Variants in COL5A1 observed in about 807,000 individuals in gnomAD.
COL5A1 encodes collagen alpha-1(V) chain.
A neutral mutation model predicts 263.7 loss-of-function variants in COL5A1; 16 were observed. The observed-to-expected ratio is 0.06, with a 90% confidence interval of 0.04 to 0.09. The LOEUF (loss-of-function observed/expected upper bound fraction) is 0.09, where lower values mean the gene tolerates loss of function less well. Among genes scored for constraint, COL5A1 ranks in the 10% least tolerant of loss-of-function variants. The pLI, the probability that COL5A1 is intolerant of heterozygous loss-of-function variation, is 1.00. For missense variants in COL5A1, 2,036 were observed against 2,540.5 expected (o/e 0.80, Z 4.27); for synonymous variants, 1,012 against 1,004.5 (o/e 1.01, Z -0.14).
In COL5A1 at chr9:134,700,237, TC is replaced by T; in HGVS notation, c.491+118del. 2 of 975,332 alleles carry T rather than the reference TC, an allele frequency of 2.1e-6. No individual in the cohort carries two copies. Among genetic ancestry groups the T allele is most frequent in the Non-Finnish European group, 3.1e-6 (2 of 648,986 alleles). 60.4% of individuals were successfully genotyped at this position (975,332 alleles called of 1,614,324 possible). A position where few individuals can be genotyped will look rare whatever the true frequency, so the allele number is the denominator to read the frequency against. On this transcript the variant is annotated intron_variant, in intron 3 of 65. Transcript: ENST00000371817. This position sits in a 1 kb window ranked among gnomAD's most constrained non-coding sequence, Gnocchi z 4.0. ...GACGTGCAGCAGCCGGTACTGAGAC[TC>T]CCACAGACGCCGCAGCAGAGGAGAG...
intron 20 of COL5A1, 71 bp downstream of exon 20, chr9:134,763,808 G>A (rs1392429044): frequency 1.1e-5 from 16 of 1,460,098 alleles, no homozygotes; most frequent in Non-Finnish European, 1.4e-5. Context: ...GCTCCTGCTG[G>A]AGCAGGATCT....
Position 134,765,808 on chromosome 9 carries a change from C to CT in COL5A1, c.2088+76dup. ...GACCCCGCCTCCCAGCCGGTGGACG[C>CT]TTGGGCACTGGGGCAGCAAGTCCGT... is the stretch of plus-strand genomic sequence containing the variant. On this transcript the variant is annotated intron_variant, in intron 21 of 65. Transcript: ENST00000371817. The surrounding 1 kb of genome is among the most constrained non-coding windows in gnomAD (Gnocchi z 5.1). 7.6e-7 allele frequency: 1 copy of CT among 1,314,558 alleles called. No individual in the cohort carries two copies. Among genetic ancestry groups the CT allele is most frequent in the Non-Finnish European group, 1.1e-6 (1 of 928,416 alleles). The allele number at this position is 1,314,558 out of a possible 1,614,324, so 81.4% of individuals were successfully genotyped here.
At chr9:134,645,716 G>C (rs1194854919) in intron 1 of COL5A1, among the ~76,000 whole-genome samples, 1 of 152,212 alleles carries the variant, frequency 6.6e-6, no homozygotes, top group Non-Finnish European at 1.5e-5. Context: ...CATTCCTGCT[G>C]TGGGGCCCTA....
At chr9:134,786,404 G>A (rs1224522392) in intron 31 of COL5A1, among the ~76,000 whole-genome samples, 3 of 152,178 alleles carry the variant, frequency 2.0e-5, no homozygotes, top group Non-Finnish European at 4.4e-5. Context: ...TTGAAAGGAG[G>A]CTCTTGGGCA....
At chr9:134,711,828 T>A (rs903655166) in intron 4 of COL5A1, among the ~76,000 whole-genome samples, 1 of 151,956 alleles carries the variant, frequency 6.6e-6, no homozygotes, top group Non-Finnish European at 1.5e-5. Context: ...ATCTCCTGTG[T>A]CCCCTTTCAG....
At chr9:134,782,933 T>C (rs1203676576) in intron 29 of COL5A1, among the ~76,000 whole-genome samples, 3 of 152,206 alleles carry the variant, frequency 2.0e-5, no homozygotes, top group Admixed American at 2.0e-4. Flanking sequence ...GTTTGCCCCT[T>C]GGGGACTGGG....
intron 32 of COL5A1, among the ~76,000 whole-genome samples, chr9:134,793,321 C>T (rs1245637488): frequency 6.6e-6 from 1 of 152,064 alleles, no homozygotes; most frequent in Non-Finnish European, 1.5e-5. Flanking sequence ...TCCACTCCTT[C>T]CTAAGGGCAA....
At position 134,703,435 on chromosome 9, in the gene COL5A1, T is replaced by C. The variant is rs563433490; in HGVS notation, c.654+2102T>C. Among the ~76,000 whole-genome samples the C allele has an allele frequency of 3.9e-5, 6 of 152,246 alleles. No individual in the cohort carries two copies. In the South Asian group the frequency reaches 1.2e-3, roughly 32 times the overall value. Reference sequence around the variant, plus strand: ...TTTGCCTCTTGCTGGTGGGAGGATCTAGGCAAAGCAGGTGACATTGATGAG... The same window carrying C: ...TTTGCCTCTTGCTGGTGGGAGGATCCAGGCAAAGCAGGTGACATTGATGAG... On this transcript the variant is annotated intron_variant, in intron 4 of 65. Transcript: ENST00000371817.
intron 42 of COL5A1, among the ~76,000 whole-genome samples, chr9:134,807,148 C>G (rs970699850): frequency 6.6e-6 from 1 of 152,248 alleles, no homozygotes; most frequent in Non-Finnish European, 1.5e-5. Context: ...TGCATTCAAT[C>G]AGCTCTGGAG....
rs920859306 is a variant in COL5A1 at position 134,641,987 on chromosome 9, C to T, written c.-201C>T. The T allele has an allele frequency of 6.7e-5, 30 of 445,130 alleles. No individual in the cohort carries two copies. The highest frequency in any genetic ancestry group is 5.9e-4 in the African/African-American group (29 of 49,300). 27.6% of individuals were successfully genotyped at this position (445,130 alleles called of 1,614,324 possible). ...GCCCCGCGGGCCAAAGTCGAGCCCT[C>T]CCGCCCGTGGGCGAGCGCGCCAGCC... On this transcript the variant is annotated 5_prime_UTR_variant, in exon 1 of 66. Coordinates refer to ENST00000371817, the MANE Select transcript of COL5A1 (RefSeq NM_000093.5).
chr9:134,777,313 C>T (rs1837089235), intron 27 of COL5A1, among the ~76,000 whole-genome samples: 1 of 152,246 alleles, frequency 6.6e-6, no homozygotes, highest in African/African-American at 2.4e-5. Context: ...GCTGCAGCTC[C>T]TGAGTGCTCC....
intron 57 of COL5A1, among the ~76,000 whole-genome samples, chr9:134,819,816 C>T (rs576673874): frequency 3.7e-4 from 57 of 152,320 alleles, no homozygotes; most frequent in Non-Finnish European, 5.6e-4. Flanking sequence ...AGAGCGTATA[C>T]GAAGAGAAAG....
At chr9:134,768,260 G>C (rs150289772) in intron 24 of COL5A1, 150 bp from the exon 25 acceptor site, 2 of 773,274 alleles carry the variant, frequency 2.6e-6, no homozygotes, top group Non-Finnish European at 4.7e-6. Context: ...GTGGCTGCAC[G>C]CCTCACAGCC....
chr9:134,773,791 C>T (rs1254130569), intron 26 of COL5A1, among the ~76,000 whole-genome samples: 1 of 152,218 alleles, frequency 6.6e-6, no homozygotes, highest in Non-Finnish European at 1.5e-5. Flanking sequence ...TGGCACTTCT[C>T]CAACGTGCTG....
At chr9:134,792,404 C>A (rs982391175) in intron 32 of COL5A1, among the ~76,000 whole-genome samples, 2 of 152,138 alleles carry the variant, frequency 1.3e-5, no homozygotes, top group East Asian at 1.9e-4. Context: ...GAGACAGAGT[C>A]TCGCTCTGTC....
intron 1 of COL5A1, among the ~76,000 whole-genome samples, chr9:134,679,140 C>T (rs1312008972): frequency 1.3e-5 from 2 of 152,212 alleles, no homozygotes; most frequent in Non-Finnish European, 2.9e-5. Context: ...TTCTTCCTTT[C>T]GCTCTCTGGG....
At chr9:134,707,067 C>T (rs551253414) in intron 4 of COL5A1, among the ~76,000 whole-genome samples, 7 of 152,232 alleles carry the variant, frequency 4.6e-5, no homozygotes, top group South Asian at 4.2e-4. Flanking sequence ...GGCTGGGAGG[C>T]GGGACTAAGA....
At chr9:134,723,025 C>T (rs954758957) in intron 4 of COL5A1, among the ~76,000 whole-genome samples, 1 of 152,188 alleles carries the variant, frequency 6.6e-6, no homozygotes, top group African/African-American at 2.4e-5. Flanking sequence ...CAGGGGGCAG[C>T]AGCAGGTAGC....
chr9:134,698,803 C>T (rs1202378309), intron 2 of COL5A1, among the ~76,000 whole-genome samples: 1 of 152,250 alleles, frequency 6.6e-6, no homozygotes, highest in African/African-American at 2.4e-5. Context: ...AGCCTTTGTT[C>T]CCACTTCTAA....
Sources: gnomAD v4.1 joint callset for allele counts (sites outside exome capture counted in the v4.1 genomes callset) on GRCh38, gnomAD v4.1.1 for gene constraint, Gnocchi (gnomAD v3.1) non-coding constraint, MANE v1.5 for transcripts, NCBI Gene and HGNC (gene_info 2026-07-23, HGNC 2026-07-21) for gene names.